PDE10A: variants seen among roughly 807,000 people sequenced by gnomAD.
PDE10A encodes the protein phosphodiesterase 10A.
Under a neutral mutation model 97.7 loss-of-function variants are expected in PDE10A, and 39 were observed. That is an observed-to-expected ratio of 0.40 (90% CI 0.31 to 0.52). The LOEUF (loss-of-function observed/expected upper bound fraction) is 0.52. Among genes scored for constraint, PDE10A ranks in the 20% least tolerant of loss-of-function variants. PDE10A has a pLI of 0.56. For synonymous variants in PDE10A, 371 were observed against 376.8 expected, an observed-to-expected ratio of 0.98 and a Z score of 0.18; for missense variants, 731 against 1,047.8, an observed-to-expected ratio of 0.70 and a Z score of 4.17.
chr6:165,676,812 G>A (rs1050794307), intron 1 of PDE10A, among the ~76,000 whole-genome samples: 2 of 152,144 alleles, frequency 1.3e-5, no homozygotes, highest in African/African-American at 2.4e-5. Flanking sequence ...GGAGTGCCGT[G>A]GGACTGGCGA....
At chr6:165,926,330 C>T (rs1195824353) in intron 1 of PDE10A, among the ~76,000 whole-genome samples, 1 of 152,250 alleles carries the variant, frequency 6.6e-6, no homozygotes, top group Non-Finnish European at 1.5e-5. Flanking sequence ...TGGCAACAAA[C>T]ACCCTTTAGC....
intron 3 of PDE10A, among the ~76,000 whole-genome samples, chr6:165,469,327 G>C (rs1046461680): frequency 2.0e-5 from 3 of 152,162 alleles, no homozygotes; most frequent in Admixed American, 6.5e-5. Context: ...GCAGGGTGTT[G>C]TATTCAATTA....
intron 1 of PDE10A, among the ~76,000 whole-genome samples, chr6:165,794,460 C>CCATG (rs1220720436): frequency 6.6e-6 from 1 of 151,662 alleles, no homozygotes; most frequent in South Asian, 2.1e-4. Flanking sequence ...ACTCACATGC[C>CCATG]CATGCATGCA....
chr6:165,492,451 A>G (rs1297014955), intron 2 of PDE10A, among the ~76,000 whole-genome samples: 1 of 152,166 alleles, frequency 6.6e-6, no homozygotes, highest in Non-Finnish European at 1.5e-5. Flanking sequence ...CATAGATGCA[A>G]AAGTCCTAGC....
At chr6:165,777,498 CAGT>C (rs5881661) in intron 1 of PDE10A, among the ~76,000 whole-genome samples, 70,701 of 151,746 alleles carry the variant, frequency 0.47, 17,686 homozygotes, top group African/African-American at 0.65. Flanking sequence ...TCTTTGCAGT[CAGT>C]AGTGGCCCAT....
At chr6:165,918,433 G>T (rs1782666112) in intron 1 of PDE10A, among the ~76,000 whole-genome samples, 3 of 152,164 alleles carry the variant, frequency 2.0e-5, no homozygotes, top group South Asian at 4.1e-4. Context: ...ATTGAATTGA[G>T]ATTTAATGCT....
chr6:165,742,624 T>A (rs528437423), intron 1 of PDE10A, among the ~76,000 whole-genome samples: 138 of 152,266 alleles, frequency 9.1e-4, no homozygotes, highest in African/African-American at 3.0e-3. Flanking sequence ...CGAGTGTATC[T>A]AATGAGGATG....
chr6:165,554,536 G>A (rs1191877433), intron 1 of PDE10A, among the ~76,000 whole-genome samples: 1 of 152,122 alleles, frequency 6.6e-6, no homozygotes, highest in East Asian at 1.9e-4. Flanking sequence ...AGGATGTAGA[G>A]AAAAGGGAAC....
chr6:165,601,346 T>G (rs1400511087), intron 1 of PDE10A, among the ~76,000 whole-genome samples: 1 of 152,210 alleles, frequency 6.6e-6, no homozygotes, highest in Non-Finnish European at 1.5e-5. Flanking sequence ...ACTGAAGTAT[T>G]TTTTTCTCTA....
Position 165,566,210 on chromosome 6 carries a change from A to T in PDE10A, c.866-22642T>A, listed in dbSNP as rs185757025. On this transcript the variant is annotated intron_variant, in intron 1 of 21. Coordinates refer to ENST00000539869, the MANE Select transcript of PDE10A (RefSeq NM_001385079.1). ...GATAAAGACTTAACCCAGAATAGAC[A>T]AAGAACTCTAAAGCTCATTAATAAG... is the stretch of plus-strand genomic sequence containing the variant. Among the ~76,000 whole-genome samples the T allele has an allele frequency of 2.6e-5, 4 of 152,366 alleles. No individual in the cohort carries two copies. The East Asian group carries it at 7.7e-4, about 29-fold the overall frequency.
At chr6:165,366,294 A>G (rs995637630) in intron 18 of PDE10A, among the ~76,000 whole-genome samples, 1 of 152,194 alleles carries the variant, frequency 6.6e-6, no homozygotes, top group African/African-American at 2.4e-5. Context: ...AAAGCAAAAT[A>G]CATACAAACA....
At chr6:165,343,283 G>C (rs960387398) in intron 19 of PDE10A, 108 bp downstream of exon 19, 1 of 776,304 alleles carries the variant, frequency 1.3e-6, no homozygotes, top group Non-Finnish European at 2.2e-6. Context: ...ACTCACCACA[G>C]TTCTCTGAAA....
chr6:165,851,860 G>A (rs1780583025), intron 1 of PDE10A, among the ~76,000 whole-genome samples: 1 of 152,136 alleles, frequency 6.6e-6, no homozygotes. Flanking sequence ...GGAGGCTGAG[G>A]TAGGAGGATT....
At chr6:165,898,023 T>C (rs375894715) in intron 1 of PDE10A, among the ~76,000 whole-genome samples, 1 of 148,938 alleles carries the variant, frequency 6.7e-6, no homozygotes, top group Admixed American at 6.7e-5. Flanking sequence ...CACCCCCTTG[T>C]ACAAGCTGCC....
In PDE10A at chr6:165,796,214, G is replaced by GCCT. The variant is rs564102735; in HGVS notation, c.-615+191312_-615+191314dup. On this transcript the variant is annotated intron_variant, in intron 1 of 19. Coordinates refer to the PDE10A transcript ENST00000366882. The stretch of plus-strand genomic sequence containing the variant: ...GAGTTCACGCCATTCTCCTGCCTCA[G>GCCT]CCTCCCAAGTAGCCGGGACTACAGG... Among the ~76,000 whole-genome samples the GCCT allele has an allele frequency of 3.7e-4, 55 of 146,870 alleles. No homozygotes were observed. In the East Asian group the frequency reaches 0.011, roughly 29 times the overall value.
chr6:165,594,581 T>C (rs550886557), intron 1 of PDE10A, among the ~76,000 whole-genome samples: 3 of 152,166 alleles, frequency 2.0e-5, no homozygotes, highest in Non-Finnish European at 4.4e-5. Flanking sequence ...GATGGAATAG[T>C]AGAATTCATT....
intron 1 of PDE10A, among the ~76,000 whole-genome samples, chr6:165,632,116 C>G (rs150662797): frequency 6.4e-4 from 93 of 144,948 alleles, no homozygotes; most frequent in African/African-American, 2.2e-3. Flanking sequence ...AGGAGAATCA[C>G]TTGAACCCAG....
intron 1 of PDE10A, among the ~76,000 whole-genome samples, chr6:165,906,149 TG>T (rs1266843695): frequency 7.0e-6 from 1 of 142,348 alleles, no homozygotes; most frequent in Non-Finnish European, 1.5e-5. Flanking sequence ...ATGAGACTGG[TG>T]GCAAAGCCAG....
chr6:165,699,721 CATTCTT>C (rs2128443379), intron 1 of PDE10A, among the ~76,000 whole-genome samples: 1 of 152,270 alleles, frequency 6.6e-6, no homozygotes, highest in African/African-American at 2.4e-5. Flanking sequence ...AAATTAAACA[CATTCTT>C]AAACAACCAA....
Sources: allele counts gnomAD v4.1 joint callset (sites outside exome capture counted in the v4.1 genomes callset), GRCh38; gene constraint gnomAD v4.1.1; transcripts MANE v1.5; gene names NCBI Gene and HGNC (gene_info 2026-07-23, HGNC 2026-07-21).